OPRD1: variants seen among roughly 807,000 people sequenced by gnomAD.
The protein encoded by OPRD1 is delta-type opioid receptor.
A neutral mutation model predicts 17.5 loss-of-function variants in OPRD1; 19 were observed. The ratio of observed to expected loss-of-function variants is 1.09; its 90% CI spans 0.76 to 1.60. The LOEUF is 1.60. OPRD1 is among the 40% of genes most tolerant of loss of function. The pLI is 0.00. For synonymous variants in OPRD1, 256 were observed against 240.9 expected, an observed-to-expected ratio of 1.06 and a Z score of -0.58; for missense variants, 483 against 547.2, an observed-to-expected ratio of 0.88 and a Z score of 1.17.
chr1:28,823,514 A>C (rs1245810490), intron 1 of OPRD1, among the ~76,000 whole-genome samples: 4 of 151,996 alleles, frequency 2.6e-5, no homozygotes, highest in Non-Finnish European at 1.5e-5. Context: ...CCCCTGCCTC[A>C]GCCTCCTGAG....
Position 28,859,022 on chromosome 1 carries a change from C to T in OPRD1, c.296C>T (p.Thr99Ile). ...CTGGCCTTAGCCGATGCGCTGGCCA[C>T]CAGCACGCTGCCTTTCCAGAGTGCC... ...FNLALADALA[T>I]STLPFQSAKY... The change falls in exon 2 of 3, where the codon ACC (threonine) becomes ATC (isoleucine). Residue 99 changes from threonine to isoleucine, a missense_variant. Thr to Ile is a moderately conservative substitution (Grantham distance 89). Coordinates refer to ENST00000234961, the MANE Select transcript of OPRD1 (RefSeq NM_000911.4). 2 of 1,614,140 alleles carry T rather than the reference C, an allele frequency of 1.2e-6. No homozygotes were observed. The highest frequency in any genetic ancestry group is 1.3e-5 in the African/African-American group (1 of 75,072).
intron 1 of OPRD1, among the ~76,000 whole-genome samples, chr1:28,832,032 G>C (rs2088811815): frequency 6.6e-6 from 1 of 152,188 alleles, no homozygotes; most frequent in South Asian, 2.1e-4. Flanking sequence ...AAGTGGCAGA[G>C]CCAGCCTTTG....
intron 1 of OPRD1, among the ~76,000 whole-genome samples, chr1:28,837,511 G>T (rs1392936970): frequency 1.3e-5 from 2 of 151,836 alleles, no homozygotes; most frequent in African/African-American, 4.8e-5. Context: ...AGCTGGGCAT[G>T]GTGGCGTGCA....
chr1:28,819,676 G>A (rs1241264677), intron 1 of OPRD1, among the ~76,000 whole-genome samples: 2 of 152,224 alleles, frequency 1.3e-5, no homozygotes, highest in African/African-American at 2.4e-5. Flanking sequence ...CAGCAAGAGA[G>A]GGGTGGAGTC....
intron 1 of OPRD1, among the ~76,000 whole-genome samples, chr1:28,847,144 C>A (rs562501928): frequency 2.6e-5 from 4 of 151,634 alleles, no homozygotes; most frequent in Non-Finnish European, 5.9e-5. Context: ...CTCTGCCTCC[C>A]GGGTTCAACC....
intron 1 of OPRD1, among the ~76,000 whole-genome samples, chr1:28,855,388 A>C (rs1235927362): frequency 1.3e-5 from 2 of 152,174 alleles, no homozygotes; most frequent in East Asian, 3.9e-4. Flanking sequence ...GGAGGGGAAC[A>C]TGCTGGGAAC....
intron 1 of OPRD1, among the ~76,000 whole-genome samples, chr1:28,846,434 A>G (rs200578888): frequency 6.6e-6 from 1 of 151,532 alleles, no homozygotes. Context: ...GGCAGAGAGA[A>G]AGAGAGAGAG....
intron 1 of OPRD1, among the ~76,000 whole-genome samples, chr1:28,839,994 C>G (rs1399066356): frequency 6.6e-6 from 1 of 152,164 alleles, no homozygotes; most frequent in African/African-American, 2.4e-5. Context: ...ATCAGGGCAC[C>G]CTGGCACCTG....
At chr1:28,829,543 A>AT (rs1458024009) in intron 1 of OPRD1, among the ~76,000 whole-genome samples, 1 of 151,718 alleles carries the variant, frequency 6.6e-6, no homozygotes, top group Non-Finnish European at 1.5e-5. Flanking sequence ...AATTTTTTGT[A>AT]TTTTTAGTAG....
chr1:28,828,687 T>TA (rs71027300), intron 1 of OPRD1, among the ~76,000 whole-genome samples: 13,573 of 102,254 alleles, frequency 0.13, 1,310 homozygotes, highest in East Asian at 0.43. Flanking sequence ...CTCGATCTCT[T>TA]AAAAAAAAAA....
chr1:28,820,916 A>T (rs576876083), intron 1 of OPRD1, among the ~76,000 whole-genome samples: 14 of 151,808 alleles, frequency 9.2e-5, no homozygotes, highest in South Asian at 8.3e-4. Context: ...CCCCATATTT[A>T]AAAAAAAATT....
chr1:28,843,260 C>A (rs990227641), intron 1 of OPRD1, among the ~76,000 whole-genome samples: 1 of 152,130 alleles, frequency 6.6e-6, no homozygotes, highest in Non-Finnish European at 1.5e-5. Context: ...TGATTACCGC[C>A]TTTTTTATTG....
chr1:28,849,697 T>C (rs2088982773), intron 1 of OPRD1, among the ~76,000 whole-genome samples: 1 of 152,176 alleles, frequency 6.6e-6, no homozygotes, highest in South Asian at 2.1e-4. Context: ...ACAAAAATGT[T>C]TGAAGCAAGT....
intron 1 of OPRD1, among the ~76,000 whole-genome samples, chr1:28,819,751 C>G (rs1415220219): frequency 6.6e-6 from 1 of 152,102 alleles, no homozygotes; most frequent in Non-Finnish European, 1.5e-5. Flanking sequence ...TGCTGCTGTC[C>G]ATGACATGGC....
chr1:28,831,010 T>C (rs1374729820), intron 1 of OPRD1, among the ~76,000 whole-genome samples: 1 of 152,244 alleles, frequency 6.6e-6, no homozygotes, highest in African/African-American at 2.4e-5. Context: ...CACCAGATGC[T>C]GTCCCCACCA....
At chr1:28,850,764 CAG>C (rs1195838349) in intron 1 of OPRD1, among the ~76,000 whole-genome samples, 1 of 148,358 alleles carries the variant, frequency 6.7e-6, no homozygotes, top group African/African-American at 2.5e-5. Flanking sequence ...GCCTTGGTGA[CAG>C]AGCAAGATCT....
rs571776123 is a variant in OPRD1 at position 28,870,837 on chromosome 1, A to T, written c.*7554A>T. The T allele has an allele frequency of 5.3e-5, 8 of 152,326 alleles. No individual in the cohort carries two copies. Among genetic ancestry groups the T allele is most frequent in the African/African-American group, 1.9e-4 (8 of 41,570 alleles). The allele number at this position is 152,326 out of a possible 1,614,324, so 9.4% of individuals were successfully genotyped here. On this transcript the variant is annotated 3_prime_UTR_variant, in exon 3 of 3. Transcript: ENST00000234961. ...CAAATACACTCCTGTAACGGGGCTC[A>T]TCTAGAATCTCCTCTCGGAATGAGG...
chr1:28,845,478 C>CAAAAA (rs11361906), intron 1 of OPRD1, among the ~76,000 whole-genome samples: 1 of 121,724 alleles, frequency 8.2e-6, no homozygotes. Flanking sequence ...GACTCCATCT[C>CAAAAA]AAAAAAAAAA....
rs2089187374 is a variant in OPRD1 at position 28,867,707 on chromosome 1, C to G, written c.*4424C>G. On this transcript the variant is annotated 3_prime_UTR_variant, in exon 3 of 3. Transcript: ENST00000234961. ...CTGGAATCAGATCTTGGTTTTCCCT[C>G]TCTGAGCCTCAGTTTCCTCATCTGT... is the stretch of plus-strand genomic sequence containing the variant. 6.5e-6 allele frequency: 1 copy of G among 153,004 alleles called. No individual in the cohort carries two copies. The highest frequency in any genetic ancestry group is 6.5e-5 in the Admixed American group (1 of 15,282). 9.5% of individuals were successfully genotyped at this position (153,004 alleles called of 1,614,324 possible).
Sources: allele counts gnomAD v4.1 joint callset (sites outside exome capture counted in the v4.1 genomes callset), GRCh38; gene constraint gnomAD v4.1.1; transcripts MANE v1.5; gene names NCBI Gene and HGNC (gene_info 2026-07-23, HGNC 2026-07-21).